The following NAV2 variants were observed in gnomAD, a reference collection of about 807,000 sequenced individuals.
The protein encoded by NAV2 is helicase, APC down-regulated 1.
Under a neutral mutation model 223.2 loss-of-function variants are expected in NAV2, and 54 were observed. That is an observed-to-expected ratio of 0.24 (90% CI 0.19 to 0.30). The LOEUF (loss-of-function observed/expected upper bound fraction) is 0.30, where lower values mean the gene tolerates loss of function less well. NAV2 is among the 10% of genes least tolerant of loss of function. The pLI is 1.00. For missense variants in NAV2, 2,806 were observed against 3,147.5 expected, an observed-to-expected ratio of 0.89 and a Z score of 2.60; for synonymous variants, 1,279 against 1,239.3, an observed-to-expected ratio of 1.03 and a Z score of -0.67.
intron 1 of NAV2, among the ~76,000 whole-genome samples, chr11:19,545,406 C>G (rs917473500): frequency 6.6e-6 from 1 of 152,170 alleles, no homozygotes; most frequent in African/African-American, 2.4e-5. Context: ...AGGACGGCTC[C>G]CTTCCTGTGG....
At chr11:19,541,970 T>C (rs1177244867) in intron 1 of NAV2, among the ~76,000 whole-genome samples, 1 of 152,234 alleles carries the variant, frequency 6.6e-6, no homozygotes, top group African/African-American at 2.4e-5. Flanking sequence ...TTTTCCACTT[T>C]TGATTTGCTG....
At position 20,060,504 on chromosome 11, in the gene NAV2, C is replaced by T. The variant is rs114426861; in HGVS notation, c.4832-1803C>T. 3.2e-3 allele frequency among the ~76,000 whole-genome samples: 488 copies of T among 152,224 alleles called. 1 individual carries two copies. Among genetic ancestry groups the T allele is most frequent in the African/African-American group, 0.011 (467 of 41,532 alleles). On this transcript the variant is annotated intron_variant, in intron 19 of 37. Coordinates refer to ENST00000349880, the MANE Select transcript of NAV2 (RefSeq NM_145117.5). ...AGATTAGTCATGGATGAAGAAAGCA[C>T]GGAGGAAAAGATCTAGAACGCAGGG...
At chr11:19,822,985 A>G (rs1252176670) in intron 1 of NAV2, among the ~76,000 whole-genome samples, 1 of 152,116 alleles carries the variant, frequency 6.6e-6, no homozygotes, top group Non-Finnish European at 1.5e-5. Context: ...CCTTCTACTT[A>G]TGGGTTTTCC....
chr11:19,974,000 C>A (rs764102796), intron 10 of NAV2, among the ~76,000 whole-genome samples: 1 of 152,150 alleles, frequency 6.6e-6, no homozygotes, highest in African/African-American at 2.4e-5. Flanking sequence ...TTTTATCAAG[C>A]CTTGATTTGA....
At chr11:19,402,564 A>G (rs1267210389) in intron 1 of NAV2, among the ~76,000 whole-genome samples, 1 of 151,848 alleles carries the variant, frequency 6.6e-6, no homozygotes, top group African/African-American at 2.4e-5. Context: ...TTTTTCATTT[A>G]TTTGTTTGCT....
intron 1 of NAV2, among the ~76,000 whole-genome samples, chr11:19,638,220 ATCATTCCCT>A (rs1490580268): frequency 6.6e-6 from 1 of 152,208 alleles, no homozygotes; most frequent in East Asian, 1.9e-4. Context: ...GACTGGGCCA[ATCATTCCCT>A]TTGATACTGG....
chr11:19,792,277 A>C (rs747599886), intron 1 of NAV2, among the ~76,000 whole-genome samples: 1 of 152,136 alleles, frequency 6.6e-6, no homozygotes, highest in Non-Finnish European at 1.5e-5. Context: ...CCCTTCTCCC[A>C]TAATTTCTTC....
chr11:19,847,483 C>T (rs1196493470), intron 3 of NAV2, among the ~76,000 whole-genome samples: 1 of 152,190 alleles, frequency 6.6e-6, no homozygotes, highest in African/African-American at 2.4e-5. Context: ...CTTCTTCCCT[C>T]AGTGCATCTA....
intron 1 of NAV2, among the ~76,000 whole-genome samples, chr11:19,364,924 C>T (rs1397437610): frequency 1.3e-5 from 2 of 152,196 alleles, no homozygotes; most frequent in African/African-American, 4.8e-5. Flanking sequence ...ACCCATACAA[C>T]AATATTTCGG....
chr11:19,744,517 T>G (rs1169838977), intron 1 of NAV2, among the ~76,000 whole-genome samples: 4 of 152,176 alleles, frequency 2.6e-5, no homozygotes, highest in African/African-American at 9.6e-5. Flanking sequence ...ATTAGTTCTC[T>G]GCTTATGGCT....
At chr11:19,653,599 C>T (rs2048033908) in intron 1 of NAV2, among the ~76,000 whole-genome samples, 1 of 152,188 alleles carries the variant, frequency 6.6e-6, no homozygotes, top group East Asian at 1.9e-4. Context: ...TTCTGCTGCC[C>T]TGGTTGCTGT....
upstream of NAV2, among the ~76,000 whole-genome samples, chr11:19,709,821 G>C (rs1465653241): frequency 6.6e-6 from 1 of 151,862 alleles, no homozygotes; most frequent in Non-Finnish European, 1.5e-5. Context: ...TAATGCTCCA[G>C]GAAAAAGCAA....
chr11:19,402,285 G>C (rs2702672), intron 1 of NAV2, among the ~76,000 whole-genome samples: 128,006 of 152,186 alleles, frequency 0.84, 54,387 homozygotes, highest in Non-Finnish European at 0.9. Context: ...AGTTACTTAT[G>C]TTTCTGTGCC....
chr11:19,957,784 G>C (rs969452015), intron 10 of NAV2, among the ~76,000 whole-genome samples: 3 of 152,196 alleles, frequency 2.0e-5, no homozygotes, highest in Admixed American at 6.5e-5. Context: ...ATTAAAAAGA[G>C]ATTTACTGGG....
chr11:19,461,042 C>T (rs965146659), intron 1 of NAV2, among the ~76,000 whole-genome samples: 6 of 152,192 alleles, frequency 3.9e-5, no homozygotes, highest in South Asian at 2.1e-4. Context: ...CAGCAGCTTC[C>T]GTCTACAGAG....
intron 6 of NAV2, among the ~76,000 whole-genome samples, chr11:19,909,780 A>T (rs924611457): frequency 6.6e-6 from 1 of 152,180 alleles, no homozygotes; most frequent in Non-Finnish European, 1.5e-5. Context: ...CAGACGAAGT[A>T]ATAGTTGCCA....
chr11:19,619,785 T>C (rs1236225274), intron 1 of NAV2, among the ~76,000 whole-genome samples: 2 of 152,166 alleles, frequency 1.3e-5, no homozygotes, highest in African/African-American at 4.8e-5. Flanking sequence ...TTTGTCAATT[T>C]TGTCTTTTGT....
At chr11:19,599,820 A>C (rs886591342) in intron 1 of NAV2, among the ~76,000 whole-genome samples, 3 of 152,082 alleles carry the variant, frequency 2.0e-5, no homozygotes, top group African/African-American at 7.2e-5. Context: ...TTTTCTAGTT[A>C]CTGGGAACGT....
intron 36 of NAV2, among the ~76,000 whole-genome samples, chr11:20,109,905 G>C (rs2062480386): frequency 6.6e-6 from 1 of 152,246 alleles, no homozygotes; most frequent in Admixed American, 6.5e-5. Context: ...CGCTGCACTT[G>C]AGCAGGCCCC....
Sources: gnomAD v4.1 joint callset for allele counts (sites outside exome capture counted in the v4.1 genomes callset) on GRCh38, gnomAD v4.1.1 for gene constraint, MANE v1.5 for transcripts, NCBI Gene and HGNC (gene_info 2026-07-23, HGNC 2026-07-21) for gene names.